Variants in PAPSS1 observed in about 807,000 individuals in gnomAD.
PAPSS1 encodes the protein 3'-phosphoadenosine 5'-phosphosulfate synthase 1.
In PAPSS1, 50 loss-of-function variants were observed where a neutral mutation model predicts 72.0. The observed-to-expected ratio is 0.69, with a 90% CI of 0.55 to 0.88. The LOEUF (loss-of-function observed/expected upper bound fraction) is 0.88. Among genes scored for constraint, PAPSS1 ranks in the 40% least tolerant of loss-of-function variants. The pLI, the probability that PAPSS1 is intolerant of heterozygous loss-of-function variation, is 0.00. For synonymous variants in PAPSS1, 261 were observed against 263.6 expected (o/e 0.99, Z 0.09); for missense variants, 657 against 782.2 (o/e 0.84, Z 1.91).
intron 1 of PAPSS1, chr4:107,719,833 G>C (rs966520122): frequency 1.5e-6 from 2 of 1,290,378 alleles, no homozygotes; most frequent in Non-Finnish European, 9.8e-7. Context: ...GATTTTCCTG[G>C]GGGTCTTACC....
chr4:107,653,502 T>A lies in PAPSS1; in HGVS notation c.1226A>T (p.Asp409Val). 6.2e-7 allele frequency: 1 copy of A among 1,611,494 alleles called. No individual in the cohort carries two copies. The highest frequency in any genetic ancestry group is 2.2e-5 in the East Asian group (1 of 44,768). Residue 409 changes from aspartate to valine, a missense_variant, in exon 9 of 12, where the codon GAT becomes GTT. By Grantham distance (152) the Asp-to-Val change is radical. This residue lies in a region of PAPSS1 where 166 missense variants were observed against 228.3 expected (regional missense o/e 0.73). Coordinates refer to ENST00000265174, the MANE Select transcript of PAPSS1 (RefSeq NM_005443.5). ...TPTELKQKFK[D>V]MNADAVFAFQ... The stretch of plus-strand genomic sequence containing the variant: ...AATCCATGTCTTACCAGCATTCATA[T>A]CTTTAAATTTCTGCTTTAGCTCAGT...
intron 11 of PAPSS1, among the ~76,000 whole-genome samples, chr4:107,621,751 G>T (rs1725965782): frequency 6.6e-6 from 1 of 150,560 alleles, no homozygotes; most frequent in Non-Finnish European, 1.5e-5. Flanking sequence ...CTCCCGAGTA[G>T]CTGGGACTAC....
intron 2 of PAPSS1, among the ~76,000 whole-genome samples, chr4:107,700,260 G>A (rs541956014): frequency 3.9e-4 from 60 of 152,174 alleles, no homozygotes; most frequent in Non-Finnish European, 7.6e-4. Flanking sequence ...GCTGGTAGGA[G>A]AGTAAACTGG....
chr4:107,660,033 G>T lies in PAPSS1; in HGVS notation c.709C>A (p.Leu237Ile). 2 of 1,602,858 alleles carry T rather than the reference G, an allele frequency of 1.2e-6. No homozygotes were observed. Among genetic ancestry groups the T allele is most frequent in the East Asian group, 2.2e-5 (1 of 44,632 alleles). Residue 237 changes from leucine to isoleucine, a missense_variant, in exon 6 of 12, where the codon CTA becomes ATA. By Grantham distance (5) the Leu-to-Ile change is conservative. Around this residue, in one of 7 missense-constraint regions of PAPSS1, gnomAD observed 190 missense variants for 176.7 expected, o/e 1.07. Coordinates refer to ENST00000265174, the MANE Select transcript of PAPSS1 (RefSeq NM_005443.5). Reference protein sequence around the residue: ...PVDASYEVKELYVPENKLHLA... With the variant: ...PVDASYEVKEIYVPENKLHLA... ...TGAAGTTTATTTTCTGGCACATATA[G>T]TTCTTTTACTTCATAAGATGCATCC...
intron 9 of PAPSS1, among the ~76,000 whole-genome samples, chr4:107,650,371 T>G (rs1471207260): frequency 6.6e-6 from 1 of 152,214 alleles, no homozygotes; most frequent in Non-Finnish European, 1.5e-5. Context: ...AATCATTCAT[T>G]ATGCAACACA....
intron 5 of PAPSS1, among the ~76,000 whole-genome samples, chr4:107,663,844 T>C (rs919057399): frequency 6.6e-6 from 1 of 152,204 alleles, no homozygotes; most frequent in Non-Finnish European, 1.5e-5. Flanking sequence ...TCCAAGGTCA[T>C]ATAGTTGAGA....
At chr4:107,716,080 A>G (rs147216043) in intron 1 of PAPSS1, among the ~76,000 whole-genome samples, 44 of 152,346 alleles carry the variant, frequency 2.9e-4, no homozygotes, top group African/African-American at 9.6e-4. Context: ...TATCAGAGCT[A>G]CCGAGCTACT....
intron 5 of PAPSS1, among the ~76,000 whole-genome samples, chr4:107,671,956 G>A (rs1449468803): frequency 2.6e-5 from 4 of 151,912 alleles, no homozygotes; most frequent in African/African-American, 4.8e-5. Flanking sequence ...ACTTTCTAAC[G>A]CTGATATGGC....
At chr4:107,670,542 A>G (rs1727441722) in intron 5 of PAPSS1, among the ~76,000 whole-genome samples, 1 of 152,096 alleles carries the variant, frequency 6.6e-6, no homozygotes, top group Non-Finnish European at 1.5e-5. Context: ...ATTTTATTTT[A>G]TTTATTTTTT....
intron 9 of PAPSS1, 85 bp from the exon 10 acceptor site, chr4:107,645,155 A>C (rs956281226): frequency 9.2e-7 from 1 of 1,082,684 alleles, no homozygotes; most frequent in Admixed American, 3.1e-5. Context: ...TTAAAACTTG[A>C]TACTTAGGAT....
At chr4:107,719,747 T>G in intron 1 of PAPSS1, 1 of 1,028,872 alleles carries the variant, frequency 9.7e-7, no homozygotes, top group South Asian at 2.6e-5. Context: ...CTCCAAGGTA[T>G]GCAGGAAGCT....
chr4:107,708,668 T>C (rs1330467128), intron 1 of PAPSS1, among the ~76,000 whole-genome samples: 1 of 152,228 alleles, frequency 6.6e-6, no homozygotes, highest in Non-Finnish European at 1.5e-5. Context: ...TCTGTTTTAA[T>C]CTCTAAAAAG....
At chr4:107,693,437 C>T (rs1464056379) in intron 3 of PAPSS1, among the ~76,000 whole-genome samples, 2 of 152,150 alleles carry the variant, frequency 1.3e-5, no homozygotes, top group Non-Finnish European at 2.9e-5. Flanking sequence ...AGATTTTCTC[C>T]GGAGTTTGAC....
intron 1 of PAPSS1, among the ~76,000 whole-genome samples, chr4:107,708,391 T>C (rs1015571773): frequency 2.6e-5 from 4 of 152,196 alleles, no homozygotes; most frequent in African/African-American, 4.8e-5. Context: ...TAAAAGGGAA[T>C]TGCAGAGGGT....
intron 10 of PAPSS1, among the ~76,000 whole-genome samples, chr4:107,635,078 G>A (rs572022558): frequency 1.6e-4 from 24 of 152,204 alleles, no homozygotes; most frequent in Middle Eastern, 3.4e-3. Context: ...GATTACAGGC[G>A]TGAGCCACCG....
At chr4:107,631,535 C>A in intron 11 of PAPSS1, 96 bp downstream of exon 11, 1 of 812,102 alleles carries the variant, frequency 1.2e-6, no homozygotes. Context: ...TACCACAAAA[C>A]CTGTCATCAG....
chr4:107,627,286 C>T (rs1021473644), intron 11 of PAPSS1, among the ~76,000 whole-genome samples: 1 of 152,170 alleles, frequency 6.6e-6, no homozygotes, highest in Non-Finnish European at 1.5e-5. Flanking sequence ...AAGCATTTAG[C>T]CATTAGCAGA....
chr4:107,681,325 CAT>C (rs986865335), intron 5 of PAPSS1, among the ~76,000 whole-genome samples: 6 of 152,180 alleles, frequency 3.9e-5, no homozygotes, highest in Admixed American at 2.0e-4. Flanking sequence ...CCTCCACCCA[CAT>C]AGAGGCCAGA....
chr4:107,618,336 G>C (rs187881877), intron 11 of PAPSS1, among the ~76,000 whole-genome samples: 340 of 151,014 alleles, frequency 2.3e-3, no homozygotes, highest in Non-Finnish European at 3.9e-3. Flanking sequence ...AGATAGAGCA[G>C]TGAAATGGCA....
Sources: gnomAD v4.1 joint callset for allele counts (sites outside exome capture counted in the v4.1 genomes callset) on GRCh38, gnomAD v4.1.1 for gene constraint, gnomAD v4.1.1 regional missense constraint, MANE v1.5 for transcripts, NCBI Gene and HGNC (gene_info 2026-07-23, HGNC 2026-07-21) for gene names.